The following ZNF48 variants were observed in gnomAD, a reference collection of about 807,000 sequenced individuals.
The protein encoded by ZNF48 is zinc finger protein 553.
A neutral mutation model predicts 40.0 loss-of-function variants in ZNF48; 20 were observed. The ratio of observed to expected loss-of-function variants is 0.50; its 90% CI spans 0.35 to 0.73. ZNF48 has a LOEUF of 0.73. Ranked by LOEUF, ZNF48 falls within the 30% of genes least tolerant of loss-of-function variation. The pLI, the probability that ZNF48 is intolerant of heterozygous loss-of-function variation, is 0.01. For missense variants in ZNF48, 726 were observed against 851.9 expected (o/e 0.85, Z 1.84); for synonymous variants, 298 against 329.7 (o/e 0.90, Z 1.04).
At chr16:30,385,885 G>C (rs1273892825) in intron 1 of ZNF48, among the ~76,000 whole-genome samples, 1 of 152,132 alleles carries the variant, frequency 6.6e-6, no homozygotes, top group Admixed American at 6.6e-5. Context: ...CAGTGCTTTG[G>C]GAGGCTGAGG....
chr16:30,389,550 G>A (rs1269500980), intron 1 of ZNF48, among the ~76,000 whole-genome samples: 1 of 149,370 alleles, frequency 6.7e-6, no homozygotes, highest in Admixed American at 6.7e-5. Context: ...TCCAGCCTGG[G>A]CAACAGAGTG....
rs375856976 is a variant in ZNF48, at chr16:30,398,455, C to T, written c.1205C>T (p.Pro402Leu). ...YPLPALIPSP[P>L]PPPLGTSPPL... is the part of the protein sequence containing the mutation. ...CTACCCGCTCTGATCCCCAGCCCAC[C>T]CCCACCTCCTCTGGGCACCAGCCCC... The change falls in exon 3 of 3, where the codon CCC becomes CTC. Residue 402 changes from proline to leucine, a missense_variant. Around this residue, in one of 5 missense-constraint regions of ZNF48, gnomAD observed 378 missense variants for 449.1 expected, o/e 0.84. Coordinates refer to ENST00000613509, the MANE Select transcript of ZNF48 (RefSeq NM_001214909.2). This position sits in a 1 kb window ranked among gnomAD's most constrained non-coding sequence, Gnocchi z 6.6. 5.7e-6 allele frequency: 9 copies of T among 1,589,926 alleles called. No individual in the cohort carries two copies. Among genetic ancestry groups the T allele is most frequent in the South Asian group, 1.1e-5 (1 of 87,658 alleles).
rs1204468033 is a variant in ZNF48, at chr16:30,397,587, G to T, written c.337G>T (p.Val113Leu). 1.2e-6 allele frequency: 2 copies of T among 1,614,014 alleles called. No individual in the cohort carries two copies. The highest frequency in any genetic ancestry group is 3.3e-5 in the Admixed American group (2 of 60,002). Residue 113 changes from valine (V) to leucine (L), a missense_variant, in exon 3 of 3, where the codon GTG (valine) becomes TTG (leucine). By Grantham distance (32) the Val-to-Leu change is conservative. Coordinates refer to ENST00000613509, the MANE Select transcript of ZNF48 (RefSeq NM_001214909.2). The surrounding 1 kb of genome is among the most constrained non-coding windows in gnomAD (Gnocchi z 4.1). ...WGQASSDRAAVCGECGKSFRQ... is the reference protein window; with the variant it reads ...WGQASSDRAALCGECGKSFRQ... ...CCAGGCTAGTAGTGATCGGGCCGCTGTGTGTGGTGAGTGTGGCAAAAGCTT... is the reference window on the plus strand; with the variant it reads ...CCAGGCTAGTAGTGATCGGGCCGCTTTGTGTGGTGAGTGTGGCAAAAGCTT...
rs776548030 is a variant in ZNF48 at position 30,381,233 on chromosome 16, A to G, written c.-16+2823A>G. 26 of 1,613,908 alleles carry G rather than the reference A, an allele frequency of 1.6e-5. 1 individual carries two copies. In the African/African-American group the frequency reaches 3.5e-4, roughly 22 times the overall value. ...TACTGCCCGGAGGAAGGCCACATCT[A>G]GGGGCCGGAGCCTGCACCCAGGGAT... On this transcript the variant is annotated intron_variant, in intron 1 of 2. Transcript: ENST00000528032. This position sits in a 1 kb window ranked among gnomAD's most constrained non-coding sequence, Gnocchi z 4.3.
chr16:30,384,642 C>CTG (rs1217260868), intron 1 of ZNF48, among the ~76,000 whole-genome samples: 11 of 146,112 alleles, frequency 7.5e-5, no homozygotes, highest in East Asian at 6.3e-4. Flanking sequence ...TTTGGGAGGA[C>CTG]AGGGCAGTCG....
At position 30,398,482 on chromosome 16, in the gene ZNF48, C is replaced by T. The variant is rs772315897; in HGVS notation, c.1232C>T (p.Pro411Leu). The change falls in exon 3 of 3, where the codon CCG becomes CTG. Residue 411 changes from proline (P) to leucine (L), a missense_variant. By Grantham distance (98) the Pro-to-Leu change is moderately conservative. Coordinates refer to ENST00000613509, the MANE Select transcript of ZNF48 (RefSeq NM_001214909.2). This position sits in a 1 kb window ranked among gnomAD's most constrained non-coding sequence, Gnocchi z 6.6. ...CCACCTCCTCTGGGCACCAGCCCCC[C>T]GCTGACACCTCGAAGTCCCTCACAC... ...PPPPPLGTSP[P>L]LTPRSPSHSG... 1.0e-5 allele frequency: 16 copies of T among 1,587,496 alleles called. No homozygotes were observed. The highest frequency in any genetic ancestry group is 6.9e-5 in the Admixed American group (4 of 58,092).
Position 30,378,312 on chromosome 16 carries a change from C to A in ZNF48, c.-114C>A, listed in dbSNP as rs964581158. 8 of 984,096 alleles carry A rather than the reference C, an allele frequency of 8.1e-6. No homozygotes were observed. In the African/African-American group the frequency reaches 9.9e-5, roughly 12 times the overall value. 61.0% of individuals were successfully genotyped at this position (984,096 alleles called of 1,614,324 possible). A position where few individuals can be genotyped will look rare whatever the true frequency, so the allele number is the denominator to read the frequency against. ...GGACTCAGGCTGGGAGAACCTCCCC[C>A]TAGCCCGCGCGAGGGCGGCACCCGC... On this transcript the variant is annotated 5_prime_UTR_variant, in exon 1 of 3. Coordinates refer to the ZNF48 transcript ENST00000528032.
Position 30,382,410 on chromosome 16 carries a change from C to A in ZNF48, c.-16+4000C>A. 6.4e-7 allele frequency: 1 copy of A among 1,570,274 alleles called. No homozygotes were observed. The highest frequency in any genetic ancestry group is 8.7e-7 in the Non-Finnish European group (1 of 1,148,324). On this transcript the variant is annotated intron_variant, in intron 1 of 2. Coordinates refer to the ZNF48 transcript ENST00000528032. The surrounding 1 kb of genome is among the most constrained non-coding windows in gnomAD (Gnocchi z 4.8). ...ATATGAGGCTGCTGGCAATGGCAGG[C>A]AGGGTCCCCAGGATCACTTGAGTTC... is the stretch of plus-strand genomic sequence containing the variant.
At chr16:30,396,038 G>A in intron 2 of ZNF48, 165 bp downstream of exon 2, 2 of 656,284 alleles carry the variant, frequency 3.0e-6, no homozygotes, top group Non-Finnish European at 4.7e-6. Context: ...CAGGCCGGGA[G>A]GGGCTCTTCA....
At chr16:30,379,188 AG>A (rs746574900) in intron 1 of ZNF48, 26 of 1,613,394 alleles carry the variant, frequency 1.6e-5, no homozygotes, top group East Asian at 4.5e-5. Context: ...TCTCCACTGG[AG>A]GGGGGGCGGC....
Position 30,397,945 on chromosome 16 carries a change from G to T in ZNF48, c.695G>T (p.Ser232Ile). The T allele has an allele frequency of 6.2e-7, 1 of 1,613,136 alleles. No individual in the cohort carries two copies. Among genetic ancestry groups the T allele is most frequent in the Non-Finnish European group, 8.5e-7 (1 of 1,179,202 alleles). The change falls in exon 3 of 3, where the codon AGT becomes ATT. Residue 232 changes from serine to isoleucine, a missense_variant. This residue lies in a region of ZNF48 where 378 missense variants were observed against 449.1 expected (regional missense o/e 0.84). Transcript: ENST00000613509. The surrounding 1 kb of genome is among the most constrained non-coding windows in gnomAD (Gnocchi z 4.1). ...ATATGTGGCAAGGGCTTTGGCGACAGTTCCGCCCGCATCAAGCACCAGCGG... is the reference window on the plus strand; with the variant it reads ...ATATGTGGCAAGGGCTTTGGCGACATTTCCGCCCGCATCAAGCACCAGCGG... ...CGICGKGFGD[S>I]SARIKHQRTH...
chr16:30,400,061 C>G lies in ZNF48; in HGVS notation c.*954C>G, dbSNP rs3574. On this transcript the variant is annotated 3_prime_UTR_variant, in exon 3 of 3. Coordinates refer to ENST00000613509, the MANE Select transcript of ZNF48 (RefSeq NM_001214909.2). Reference sequence around the variant, plus strand: ...AAACTCAGACTGTAAATTTTGTGTGCTTCCCTTGCTCTCTGAGCCCATTAA... The same window carrying G: ...AAACTCAGACTGTAAATTTTGTGTGGTTCCCTTGCTCTCTGAGCCCATTAA... 97,639 of 152,038 alleles carry G rather than the reference C, an allele frequency of 0.64. 31,709 individuals are homozygous for G. The highest frequency in any genetic ancestry group is 0.92 in the East Asian group (4,737 of 5,166). 9.4% of individuals were successfully genotyped at this position (152,038 alleles called of 1,614,324 possible).
chr16:30,379,296 G>A (rs2049804959), intron 1 of ZNF48: 2 of 1,481,470 alleles, frequency 1.4e-6, no homozygotes, highest in Non-Finnish European at 1.9e-6. Context: ...AGGGTCCGCG[G>A]TCTGCAGCCC....
chr16:30,378,847 A>AAAGAGGGGGAGAGAGG (rs2049792343), intron 1 of ZNF48: 1 of 530,494 alleles, frequency 1.9e-6, no homozygotes. Flanking sequence ...GCGGGTGGGG[A>AAAGAGGGGGAGAGAGG]GAGAGGGGGA....
chr16:30,397,767 C>G lies in ZNF48; in HGVS notation c.517C>G (p.Pro173Ala), dbSNP rs759527868. ...GGAGAAGCCCTATAGAGCCCGGCCACCAGCCCAGGGTCCCCCAAAGATTCC... is the reference window on the plus strand; with the variant it reads ...GGAGAAGCCCTATAGAGCCCGGCCAGCAGCCCAGGGTCCCCCAAAGATTCC... ...SGEKPYRARP[P>A]AQGPPKIPRS... The change falls in exon 3 of 3, where the codon CCA becomes GCA. Residue 173 changes from proline (P) to alanine (A), a missense_variant. Coordinates refer to ENST00000613509, the MANE Select transcript of ZNF48 (RefSeq NM_001214909.2). The surrounding 1 kb of genome is among the most constrained non-coding windows in gnomAD (Gnocchi z 4.1). 1.2e-5 allele frequency: 19 copies of G among 1,613,786 alleles called. No homozygotes were observed. Among genetic ancestry groups the G allele is most frequent in the Non-Finnish European group, 1.4e-5 (17 of 1,179,978 alleles).
At chr16:30,380,100 A>T (rs1003931757) in intron 1 of ZNF48, 22 of 1,299,666 alleles carry the variant, frequency 1.7e-5, no homozygotes, top group Non-Finnish European at 2.2e-5. Flanking sequence ...ATGACCAGAG[A>T]CAGTGAGACA....
intron 1 of ZNF48, among the ~76,000 whole-genome samples, chr16:30,389,572 C>CAA (rs1250778121): frequency 3.7e-5 from 2 of 53,528 alleles, no homozygotes; most frequent in Non-Finnish European, 3.8e-5. Flanking sequence ...GACTCTGTCT[C>CAA]AAAAAAAAAA....
rs2050037114 is a variant in ZNF48 at position 30,400,027 on chromosome 16, CTG to C, written c.*921_*922del. 1 of 152,228 alleles carries C rather than the reference CTG, an allele frequency of 6.6e-6. No individual in the cohort carries two copies. Among genetic ancestry groups the C allele is most frequent in the South Asian group, 2.1e-4 (1 of 4,832 alleles). The allele number at this position is 152,228 out of a possible 1,614,324, so 9.4% of individuals were successfully genotyped here. ...GCATGAAAAAGGTGGAGAGGGGTCT[CTG>C]CGCGCAAAACTCAGACTGTAAATTT... On this transcript the variant is annotated 3_prime_UTR_variant, in exon 3 of 3. Coordinates refer to ENST00000613509, the MANE Select transcript of ZNF48 (RefSeq NM_001214909.2).
chr16:30,395,078 C>T (rs543472309), upstream of ZNF48: 44 of 382,204 alleles, frequency 1.2e-4, no homozygotes, highest in African/African-American at 7.5e-4. This position sits in a 1 kb window ranked among gnomAD's most constrained non-coding sequence, Gnocchi z 5.9. Context: ...GTCTCTCCCC[C>T]ACCCCTTTCC....
Sources: allele counts gnomAD v4.1 joint callset (sites outside exome capture counted in the v4.1 genomes callset), GRCh38; gene constraint gnomAD v4.1.1; regional missense constraint gnomAD v4.1.1; non-coding constraint Gnocchi (gnomAD v3.1); transcripts MANE v1.5; gene names NCBI Gene and HGNC (gene_info 2026-07-23, HGNC 2026-07-21).